The following CFAP20DC variants were observed in gnomAD, a reference collection of about 807,000 sequenced individuals.
CFAP20DC encodes the protein protein CFAP20DC.
Under a neutral mutation model 101.7 loss-of-function variants are expected in CFAP20DC, and 84 were observed. That is an observed-to-expected ratio of 0.83 (90% CI 0.69 to 0.99). The LOEUF (loss-of-function observed/expected upper bound fraction) is 0.99, where lower values mean the gene tolerates loss of function less well. Ranked by LOEUF, CFAP20DC falls within the 50% of genes least tolerant of loss-of-function variation. CFAP20DC has a pLI of 0.00. For synonymous variants in CFAP20DC, 359 were observed against 351.2 expected (o/e 1.02, Z -0.25); for missense variants, 1,007 against 970.3 (o/e 1.04, Z -0.50).
chr3:58,985,249 A>G (rs1484485084), intron 4 of CFAP20DC, among the ~76,000 whole-genome samples: 1 of 152,040 alleles, frequency 6.6e-6, no homozygotes, highest in Non-Finnish European at 1.5e-5. Context: ...ATTTATTAAT[A>G]TTCTTCCTAT....
chr3:58,951,849 T>C (rs1332078803), intron 4 of CFAP20DC, among the ~76,000 whole-genome samples: 2 of 152,120 alleles, frequency 1.3e-5, no homozygotes, highest in Non-Finnish European at 2.9e-5. Flanking sequence ...ATGGCACATG[T>C]ATACATATGT....
In CFAP20DC at chr3:58,728,174, T is replaced by TA. The variant is rs1412390532; in HGVS notation, c.198-10547dup. 6.6e-6 allele frequency: 1 copy of TA among 152,198 alleles called. No individual in the cohort carries two copies. Among genetic ancestry groups the TA allele is most frequent in the Admixed American group, 6.5e-5 (1 of 15,276 alleles). The allele number at this position is 152,198 out of a possible 1,614,324, so 9.4% of individuals were successfully genotyped here. A position where few individuals can be genotyped will look rare whatever the true frequency, so the allele number is the denominator to read the frequency against. Reference sequence around the variant, plus strand: ...GAAAGTAGAAAGTGAGATTAAACTGTAAAGACCACTGATTATTCTGGTAAG... The same window carrying TA: ...GAAAGTAGAAAGTGAGATTAAACTGTAAAAGACCACTGATTATTCTGGTAAG... On this transcript the variant is annotated intron_variant, in intron 3 of 3. Coordinates refer to the CFAP20DC transcript ENST00000486145. The surrounding 1 kb of genome is among the most constrained non-coding windows in gnomAD (Gnocchi z 4.7).
At position 58,789,488 on chromosome 3, in the gene CFAP20DC, C is replaced by T. The variant is rs542337748; in HGVS notation, c.2237+16907G>A. On this transcript the variant is annotated intron_variant, in intron 15 of 16. Coordinates refer to ENST00000482387, the MANE Select transcript of CFAP20DC (RefSeq NM_001394063.1). ...CAAAGTTTGGTTATACCTTTCTGTT[C>T]AGAAGTCAAATAAAACAATGATATG... Among the ~76,000 whole-genome samples, 7 of 152,148 alleles carry T rather than the reference C, an allele frequency of 4.6e-5. No individual in the cohort carries two copies. In the East Asian group the frequency reaches 1.4e-3, roughly 29 times the overall value.
intron 7 of CFAP20DC, among the ~76,000 whole-genome samples, chr3:58,875,113 C>T (rs1397327655): frequency 1.3e-5 from 2 of 152,166 alleles, no homozygotes; most frequent in African/African-American, 2.4e-5. Flanking sequence ...ATGAACAAAA[C>T]GTTGATGTTC....
At position 58,781,049 on chromosome 3, in the gene CFAP20DC, T is replaced by C. The variant is rs58170336; in HGVS notation, c.2237+25346A>G. 7.4e-3 allele frequency among the ~76,000 whole-genome samples: 1,131 copies of C among 151,904 alleles called. 19 individuals are homozygous for C. The highest frequency in any genetic ancestry group is 0.052 in the East Asian group (268 of 5,174). ...AATATATATTAGAATATAAAATAAG[T>C]GTCAATACATTTTTAAACATCAAAA... On this transcript the variant is annotated intron_variant, in intron 15 of 16. Coordinates refer to ENST00000482387, the MANE Select transcript of CFAP20DC (RefSeq NM_001394063.1).
chr3:58,812,019 C>G (rs1389248063), intron 14 of CFAP20DC, among the ~76,000 whole-genome samples: 1 of 152,110 alleles, frequency 6.6e-6, no homozygotes, highest in African/African-American at 2.4e-5. Context: ...CATCTCACAC[C>G]AGTTAGAATG....
chr3:58,865,321 CAAAT>C (rs1486436174), intron 11 of CFAP20DC, among the ~76,000 whole-genome samples: 1 of 152,138 alleles, frequency 6.6e-6, no homozygotes, highest in African/African-American at 2.4e-5. Flanking sequence ...TTTGATGGTA[CAAAT>C]AAAACACAAT....
intron 15 of CFAP20DC, among the ~76,000 whole-genome samples, chr3:58,760,453 C>G (rs2069447559): frequency 6.6e-6 from 1 of 152,146 alleles, no homozygotes; most frequent in African/African-American, 2.4e-5. Context: ...ATGGGGTTTT[C>G]TAGATATACA....
At chr3:58,791,302 T>C (rs1357068466) in intron 15 of CFAP20DC, among the ~76,000 whole-genome samples, 2 of 152,124 alleles carry the variant, frequency 1.3e-5, no homozygotes, top group South Asian at 2.1e-4. Flanking sequence ...ATGCAAAACA[T>C]GTTATGAGTA....
Position 58,742,260 on chromosome 3 carries a change from A to C in CFAP20DC, c.*200T>G. ...ATCTTGCCTCTGTATTAATTTCTTC[A>C]GTTTCAAAATCATACTCATCTACAA... On this transcript the variant is annotated 3_prime_UTR_variant, in exon 17 of 17. Transcript: ENST00000482387. 1 of 1,135,674 alleles carries C rather than the reference A, an allele frequency of 8.8e-7. No homozygotes were observed. The highest frequency in any genetic ancestry group is 1.1e-6 in the Non-Finnish European group (1 of 922,374). The allele number at this position is 1,135,674 out of a possible 1,614,324, so 70.3% of individuals were successfully genotyped here.
intron 15 of CFAP20DC, among the ~76,000 whole-genome samples, chr3:58,770,880 T>C (rs998443143): frequency 6.6e-5 from 10 of 152,102 alleles, no homozygotes; most frequent in East Asian, 5.8e-4. Context: ...TTAGGCAAAA[T>C]AGAATAGTGT....
chr3:58,763,208 C>G (rs371439270), intron 15 of CFAP20DC, among the ~76,000 whole-genome samples: 133 of 152,290 alleles, frequency 8.7e-4, no homozygotes, highest in Non-Finnish European at 1.4e-3. Context: ...TTCACATAGT[C>G]CCATATTTCT....
intron 6 of CFAP20DC, among the ~76,000 whole-genome samples, chr3:58,901,818 T>G (rs116456008): frequency 6.6e-6 from 1 of 152,276 alleles, no homozygotes; most frequent in African/African-American, 2.4e-5. Context: ...CAATGGGACT[T>G]AGTACATTCA....
At chr3:58,774,606 T>C (rs2071152716) in intron 15 of CFAP20DC, among the ~76,000 whole-genome samples, 1 of 152,188 alleles carries the variant, frequency 6.6e-6, no homozygotes, top group African/African-American at 2.4e-5. Context: ...TCATCCTAGT[T>C]GGTGATGGAA....
At chr3:59,034,071 C>T (rs747052079) in intron 4 of CFAP20DC, among the ~76,000 whole-genome samples, 126 of 152,214 alleles carry the variant, frequency 8.3e-4, no homozygotes, top group Non-Finnish European at 2.8e-4. Flanking sequence ...CTTTTCAACC[C>T]GGAATTTCAT....
At chr3:58,784,563 A>G (rs2107594110) in intron 15 of CFAP20DC, among the ~76,000 whole-genome samples, 2 of 152,200 alleles carry the variant, frequency 1.3e-5, no homozygotes, top group South Asian at 4.1e-4. Flanking sequence ...TATTCAGTCC[A>G]CTGTTCATGG....
At chr3:58,865,310 C>T (rs1182130739) in intron 11 of CFAP20DC, among the ~76,000 whole-genome samples, 1 of 152,112 alleles carries the variant, frequency 6.6e-6, no homozygotes, top group Non-Finnish European at 1.5e-5. Context: ...ATAAAAATAA[C>T]TTTGATGGTA....
intron 4 of CFAP20DC, among the ~76,000 whole-genome samples, chr3:59,038,794 A>T (rs760612400): frequency 1.3e-5 from 2 of 152,156 alleles, no homozygotes; most frequent in Non-Finnish European, 2.9e-5. Flanking sequence ...TTTACTTAGT[A>T]AAAGCAGTAT....
chr3:58,963,732 C>T (rs146874222), intron 4 of CFAP20DC, among the ~76,000 whole-genome samples: 135 of 152,092 alleles, frequency 8.9e-4, no homozygotes, highest in African/African-American at 2.7e-3. Context: ...AGATTAAATA[C>T]CTAAAAATCA....
Sources: gnomAD v4.1 joint callset for allele counts (sites outside exome capture counted in the v4.1 genomes callset) on GRCh38, gnomAD v4.1.1 for gene constraint, Gnocchi (gnomAD v3.1) non-coding constraint, MANE v1.5 for transcripts, NCBI Gene and HGNC (gene_info 2026-07-23, HGNC 2026-07-21) for gene names.